Variants in UNC80 observed in about 807,000 individuals in gnomAD.
UNC80 encodes the protein unc-80 subunit of NALCN channel complex, also known as protein unc-80 homolog.
A neutral mutation model predicts 384.6 loss-of-function variants in UNC80; 164 were observed. The observed-to-expected ratio is 0.43, with a 90% CI of 0.38 to 0.49. The LOEUF is 0.49. Ranked by LOEUF, UNC80 falls within the 20% of genes least tolerant of loss-of-function variation. The pLI is 0.00. For synonymous variants in UNC80, 1,486 were observed against 1,527.8 expected, an observed-to-expected ratio of 0.97 and a Z score of 0.64; for missense variants, 3,330 against 4,143.0, an observed-to-expected ratio of 0.80 and a Z score of 5.39.
In UNC80 at chr2:209,994,078, A is replaced by G. The variant is rs2093441582; in HGVS notation, c.9522A>G (p.Arg3174=). The change falls in exon 64 of 65, where the codon CGA becomes CGG. Residue 3174 remains arginine (R), a synonymous_variant. Coordinates refer to ENST00000673920, the MANE Select transcript of UNC80 (RefSeq NM_001371986.1). ...CTCTACCTGCAGCGGATCAGAAACG[A>G]TCTGTGACCTTCATTGAGGCTCAGC... is the stretch of plus-strand genomic sequence containing the variant. ...PKTKPSADQK[R]SVTFIEAQPE... 8 of 1,550,838 alleles carry G rather than the reference A, an allele frequency of 5.2e-6. No homozygotes were observed. The highest frequency in any genetic ancestry group is 1.4e-5 in the African/African-American group (1 of 72,962).
At position 209,894,058 on chromosome 2, in the gene UNC80, G is replaced by A. The variant is rs140814767; in HGVS notation, c.4277-105G>A. 7 of 770,524 alleles carry A rather than the reference G, an allele frequency of 9.1e-6. No individual in the cohort carries two copies. In the East Asian group the frequency reaches 9.0e-4, roughly 99 times the overall value. The allele number at this position is 770,524 out of a possible 1,614,324, so 47.7% of individuals were successfully genotyped here. A position where few individuals can be genotyped will look rare whatever the true frequency, so the allele number is the denominator to read the frequency against. On this transcript the variant is annotated intron_variant, in intron 26 of 64. Coordinates refer to ENST00000673920, the MANE Select transcript of UNC80 (RefSeq NM_001371986.1). ...GCTCCTTGTCCAGAGTGCTCATCCA[G>A]GCCAGCAGAGGAGGCTGATCAGGGA...
At chr2:209,802,075 A>G (rs2078598053) in intron 7 of UNC80, among the ~76,000 whole-genome samples, 1 of 152,160 alleles carries the variant, frequency 6.6e-6, no homozygotes, top group South Asian at 2.1e-4. Flanking sequence ...TTAAAATTAT[A>G]TAATATACAT....
At chr2:209,933,277 A>G (rs2091016808) in intron 38 of UNC80, among the ~76,000 whole-genome samples, 1 of 152,162 alleles carries the variant, frequency 6.6e-6, no homozygotes, top group East Asian at 1.9e-4. Context: ...ACATTAGAAG[A>G]TATGCAAACA....
intron 8 of UNC80, among the ~76,000 whole-genome samples, 162 bp from the exon 9 acceptor site, chr2:209,815,095 C>A (rs1257335053): frequency 6.6e-6 from 1 of 152,124 alleles, no homozygotes; most frequent in Non-Finnish European, 1.5e-5. Context: ...AATATATATT[C>A]TCACTAGCAG....
chr2:209,826,992 A>G (rs1173968450), intron 14 of UNC80, among the ~76,000 whole-genome samples: 5 of 151,926 alleles, frequency 3.3e-5, no homozygotes, highest in African/African-American at 7.3e-5. Flanking sequence ...TCTCTCATCT[A>G]TCTATCTATC....
chr2:209,853,836 A>G (rs1030294250), intron 22 of UNC80, among the ~76,000 whole-genome samples: 2 of 152,144 alleles, frequency 1.3e-5, no homozygotes, highest in South Asian at 4.1e-4. Flanking sequence ...GAACAATTCC[A>G]TAAGTATAAG....
intron 48 of UNC80, among the ~76,000 whole-genome samples, chr2:209,956,882 G>A (rs574171974): frequency 9.8e-5 from 15 of 152,298 alleles, no homozygotes; most frequent in Non-Finnish European, 1.9e-4. Context: ...AGGAAGAGGA[G>A]ATCTGGTGTG....
chr2:209,990,566 T>G (rs1428719316), intron 61 of UNC80, among the ~76,000 whole-genome samples: 2 of 152,204 alleles, frequency 1.3e-5, no homozygotes, highest in Non-Finnish European at 2.9e-5. Context: ...GAAGCTTGTT[T>G]CTACTTTTGT....
chr2:209,820,432 A>G lies in UNC80; in HGVS notation c.2084A>G (p.Asn695Ser), dbSNP rs960869354. ...QLGVVPCVEK[N>S]RKKSENKENE... ...GGTGTGGTGCCCTGTGTAGAAAAGA[A>G]TAGAAAGAAGAGTGAAAACAAGGAA... Residue 695 changes from asparagine to serine, a missense_variant, in exon 13 of 65, where the codon AAT (asparagine) becomes AGT (serine). Asn to Ser is a conservative substitution (Grantham distance 46). Transcript: ENST00000673920. The G allele has an allele frequency of 7.7e-6, 12 of 1,551,708 alleles. No individual in the cohort carries two copies. The Admixed American group carries it at 1.8e-4, about 23-fold the overall frequency.
In UNC80 at chr2:209,888,201, A is replaced by T; in HGVS notation, c.4217A>T (p.Asp1406Val). Residue 1406 changes from aspartate (D) to valine (V), a missense_variant, in exon 26 of 65, where the codon GAT becomes GTT. Physicochemically the swap from Asp to Val is radical, Grantham distance 152 (BLOSUM62 -3). This residue lies in a region of UNC80 where 801 missense variants were observed against 950.8 expected (regional missense o/e 0.84). Coordinates refer to ENST00000673920, the MANE Select transcript of UNC80 (RefSeq NM_001371986.1). ...CTGGACGAAAATGAAGACTCAAAAG[A>T]TTCTCTCCACAGCAGCAGCCACACT... is the stretch of plus-strand genomic sequence containing the variant. Reference protein sequence around the residue: ...GVLDENEDSKDSLHSSSHTLK... With the variant: ...GVLDENEDSKVSLHSSSHTLK... 1 of 1,551,712 alleles carries T rather than the reference A, an allele frequency of 6.4e-7. No homozygotes were observed.
intron 22 of UNC80, among the ~76,000 whole-genome samples, chr2:209,864,089 A>C (rs1019782047): frequency 1.3e-5 from 2 of 151,238 alleles, no homozygotes; most frequent in Admixed American, 1.3e-4. Flanking sequence ...TTTTATTTCA[A>C]TGGTCAGGTT....
At chr2:209,874,162 A>G (rs1052053510) in intron 23 of UNC80, among the ~76,000 whole-genome samples, 9 of 152,194 alleles carry the variant, frequency 5.9e-5, no homozygotes, top group Non-Finnish European at 4.4e-5. Context: ...ATGTGATTCC[A>G]TTGTACTTAT....
At chr2:209,959,370 C>T (rs1411815251) in intron 50 of UNC80, 119 bp from the exon 51 acceptor site, 1 of 1,131,828 alleles carries the variant, frequency 8.8e-7, no homozygotes, top group East Asian at 2.6e-5. Context: ...TTGGCCTCAC[C>T]CTACTGATTC....
At position 209,815,486 on chromosome 2, in the gene UNC80, G is replaced by C. The variant is rs1250517882; in HGVS notation, c.1335+95G>C. 4 of 1,352,720 alleles carry C rather than the reference G, an allele frequency of 3.0e-6. No individual in the cohort carries two copies. In the African/African-American group the frequency reaches 4.4e-5, roughly 15 times the overall value. The allele number at this position is 1,352,720 out of a possible 1,614,324, so 83.8% of individuals were successfully genotyped here. A position where few individuals can be genotyped will look rare whatever the true frequency, so the allele number is the denominator to read the frequency against. On this transcript the variant is annotated intron_variant, in intron 9 of 64. Coordinates refer to ENST00000673920, the MANE Select transcript of UNC80 (RefSeq NM_001371986.1). ...CTGATGATACTGCAGTATGGGGTGA[G>C]GTGGGAAAGGGAACTTAGAAACCGA...
chr2:209,862,104 C>G (rs1320208515), intron 22 of UNC80, among the ~76,000 whole-genome samples: 1 of 152,112 alleles, frequency 6.6e-6, no homozygotes, highest in Non-Finnish European at 1.5e-5. Flanking sequence ...TCTTGCCTCT[C>G]TAGCTCTTTT....
intron 35 of UNC80, among the ~76,000 whole-genome samples, chr2:209,923,966 G>A (rs1324179995): frequency 6.6e-6 from 1 of 152,030 alleles, no homozygotes; most frequent in Non-Finnish European, 1.5e-5. Context: ...TATGCCATGT[G>A]AAAGACACAG....
chr2:209,879,629 A>C (rs533922917), intron 24 of UNC80, among the ~76,000 whole-genome samples: 11 of 152,322 alleles, frequency 7.2e-5, no homozygotes, highest in African/African-American at 1.2e-4. Flanking sequence ...TTTTTTAAAA[A>C]GTGTTGCATA....
At chr2:209,834,267 A>G (rs952206630) in intron 17 of UNC80, 99 bp downstream of exon 17, 2 of 1,295,146 alleles carry the variant, frequency 1.5e-6, no homozygotes, top group Non-Finnish European at 1.1e-6. Context: ...AAATGTCAGC[A>G]TAGGAATGGT....
chr2:209,891,664 A>G (rs1013611705), intron 26 of UNC80, among the ~76,000 whole-genome samples: 2 of 152,144 alleles, frequency 1.3e-5, no homozygotes, highest in Non-Finnish European at 2.9e-5. Context: ...TACACACAGA[A>G]TGGTTATGTT....
Sources: allele counts gnomAD v4.1 joint callset (sites outside exome capture counted in the v4.1 genomes callset), GRCh38; gene constraint gnomAD v4.1.1; regional missense constraint gnomAD v4.1.1; transcripts MANE v1.5; gene names NCBI Gene and HGNC (gene_info 2026-07-23, HGNC 2026-07-21).